The following TBC1D1 variants were observed in gnomAD, a reference collection of about 807,000 sequenced individuals.
The protein encoded by TBC1D1 is TBC1 domain family member 1, also known as TBC1 (tre-2/USP6, BUB2, cdc16) domain family, member 1.
Under a neutral mutation model 125.6 loss-of-function variants are expected in TBC1D1, and 89 were observed. The observed-to-expected ratio is 0.71, with a 90% CI of 0.60 to 0.85. The LOEUF is 0.85. Among genes scored for constraint, TBC1D1 ranks in the 40% least tolerant of loss-of-function variants. TBC1D1 has a pLI of 0.00. For synonymous variants in TBC1D1, 565 were observed against 564.1 expected (o/e 1.00, Z -0.02); for missense variants, 1,377 against 1,469.2 (o/e 0.94, Z 1.03).
At chr4:38,115,685 C>A in intron 15 of TBC1D1, 25 bp from the exon 18 acceptor site, 1 of 1,589,198 alleles carries the variant, frequency 6.3e-7, no homozygotes, top group Non-Finnish European at 8.6e-7. Flanking sequence ...TTTATTATTA[C>A]AACTAATATG....
At chr4:37,913,494 G>C (rs141019183) in intron 2 of TBC1D1, among the ~76,000 whole-genome samples, 2,657 of 152,050 alleles carry the variant, frequency 0.017, 83 homozygotes, top group African/African-American at 0.061. Flanking sequence ...AGCTACTCAG[G>C]AGGCTGAGGC....
intron 7 of TBC1D1, 134 bp downstream of exon 7, chr4:38,028,013 G>C: frequency 1.8e-6 from 1 of 553,582 alleles, no homozygotes; most frequent in Non-Finnish European, 3.2e-6. Context: ...CTTGGTTTCA[G>C]GGGTGACCAA....
chr4:37,910,486 A>G (rs1024985351), intron 2 of TBC1D1, among the ~76,000 whole-genome samples: 1 of 152,250 alleles, frequency 6.6e-6, no homozygotes, highest in Non-Finnish European at 1.5e-5. Flanking sequence ...TAAATAAATT[A>G]CATGACTAAA....
At chr4:38,072,888 T>G (rs547619473) in intron 12 of TBC1D1, among the ~76,000 whole-genome samples, 25 of 152,368 alleles carry the variant, frequency 1.6e-4, no homozygotes, top group African/African-American at 6.0e-4. Context: ...TATTTCTGGT[T>G]TATTTCGCTT....
chr4:38,088,492 G>C (rs1027420334), intron 12 of TBC1D1, among the ~76,000 whole-genome samples: 1 of 152,160 alleles, frequency 6.6e-6, no homozygotes, highest in Non-Finnish European at 1.5e-5. Flanking sequence ...GGCACCTGCT[G>C]GGTGTCAGCA....
intron 2 of TBC1D1, among the ~76,000 whole-genome samples, chr4:37,967,603 TAGA>T (rs1233190213): frequency 2.0e-5 from 3 of 152,056 alleles, no homozygotes; most frequent in African/African-American, 7.2e-5. Context: ...TGATTTACTA[TAGA>T]AGAAGTGGAA....
chr4:38,043,128 C>G (rs868661289), intron 8 of TBC1D1, among the ~76,000 whole-genome samples: 1 of 151,958 alleles, frequency 6.6e-6, no homozygotes, highest in Non-Finnish European at 1.5e-5. Context: ...TCTCAAACTC[C>G]CGACCTCAGG....
At chr4:38,089,466 A>G (rs1431726352) in intron 12 of TBC1D1, among the ~76,000 whole-genome samples, 3 of 152,224 alleles carry the variant, frequency 2.0e-5, no homozygotes, top group Non-Finnish European at 4.4e-5. Context: ...GCTATGTGAC[A>G]TTAGGCAACT....
chr4:37,981,037 G>A (rs748069978), intron 2 of TBC1D1, among the ~76,000 whole-genome samples: 23 of 151,960 alleles, frequency 1.5e-4, no homozygotes, highest in Non-Finnish European at 2.8e-4. Flanking sequence ...CTGCCTCCTG[G>A]GTTCAAGTGC....
chr4:38,113,401 C>T (rs907497653), intron 15 of TBC1D1, among the ~76,000 whole-genome samples: 6 of 152,172 alleles, frequency 3.9e-5, no homozygotes, highest in Non-Finnish European at 7.3e-5. Flanking sequence ...ACTCTACAAG[C>T]GGTGTCAATT....
intron 6 of TBC1D1, among the ~76,000 whole-genome samples, chr4:38,025,750 A>G (rs1277713634): frequency 1.3e-5 from 2 of 152,218 alleles, no homozygotes; most frequent in African/African-American, 4.8e-5. Context: ...TATTTGATTC[A>G]TAAATCTTAA....
chr4:37,914,081 T>C (rs1719201885), intron 2 of TBC1D1, among the ~76,000 whole-genome samples: 1 of 152,210 alleles, frequency 6.6e-6, no homozygotes, highest in South Asian at 2.1e-4. Context: ...TCAATTCTGA[T>C]TTTTATGTCC....
intron 12 of TBC1D1, among the ~76,000 whole-genome samples, chr4:38,079,739 A>AG: frequency 6.6e-6 from 1 of 152,132 alleles, no homozygotes. Context: ...AAAAAAAAAA[A>AG]GCAAGTTATA....
intron 7 of TBC1D1, among the ~76,000 whole-genome samples, chr4:38,029,624 C>T (rs1745753056): frequency 6.6e-6 from 1 of 152,180 alleles, no homozygotes; most frequent in South Asian, 2.1e-4. Context: ...GCTTCAGCCT[C>T]CCAAAGTGCT....
intron 15 of TBC1D1, among the ~76,000 whole-genome samples, chr4:38,112,415 T>C (rs1174373101): frequency 6.6e-6 from 1 of 152,248 alleles, no homozygotes; most frequent in East Asian, 1.9e-4. Flanking sequence ...TTTGTCCTCT[T>C]GTTTGGAAAC....
intron 2 of TBC1D1, among the ~76,000 whole-genome samples, chr4:37,956,603 C>T (rs1196260104): frequency 6.6e-6 from 1 of 152,146 alleles, no homozygotes; most frequent in Admixed American, 6.5e-5. Context: ...TCCCCTTGAC[C>T]TCATGTGATA....
At chr4:37,949,611 A>T (rs941913170) in intron 2 of TBC1D1, among the ~76,000 whole-genome samples, 1 of 152,198 alleles carries the variant, frequency 6.6e-6, no homozygotes, top group Non-Finnish European at 1.5e-5. Flanking sequence ...TAATCACTCC[A>T]GGGCAACCCT....
intron 19 of TBC1D1, among the ~76,000 whole-genome samples, chr4:38,134,789 A>G (rs1766198338): frequency 1.3e-5 from 2 of 152,240 alleles, no homozygotes; most frequent in Non-Finnish European, 2.9e-5. Flanking sequence ...AGCTACCTAC[A>G]TTCCTCAATA....
In TBC1D1 at chr4:37,969,734, C is replaced by T. The variant is rs562759713; in HGVS notation, c.418-44775C>T. ...AAGTCATTCAATCATCATCACACAG[C>T]GGGATTTACCAAAATTAAGATGTAA... On this transcript the variant is annotated intron_variant, in intron 2 of 19. Coordinates refer to ENST00000261439, the MANE Select transcript of TBC1D1 (RefSeq NM_015173.4). 5.9e-5 allele frequency among the ~76,000 whole-genome samples: 9 copies of T among 152,304 alleles called. No individual in the cohort carries two copies. In the South Asian group the frequency reaches 8.3e-4, roughly 14 times the overall value.
Sources: gnomAD v4.1 joint callset for allele counts (sites outside exome capture counted in the v4.1 genomes callset) on GRCh38, gnomAD v4.1.1 for gene constraint, MANE v1.5 for transcripts, NCBI Gene and HGNC (gene_info 2026-07-23, HGNC 2026-07-21) for gene names.